The following ENOX2 variants were observed in gnomAD, a reference collection of about 807,000 sequenced individuals.
The protein encoded by ENOX2 is APK1 antigen.
Under a neutral mutation model 45.0 loss-of-function variants are expected in ENOX2, and 36 were observed. The ratio of observed to expected loss-of-function variants is 0.80; its 90% confidence interval spans 0.61 to 1.06. The LOEUF (loss-of-function observed/expected upper bound fraction) is 1.06, where lower values mean the gene tolerates loss of function less well. Ranked by LOEUF, ENOX2 falls within the 50% of genes least tolerant of loss-of-function variation. The pLI is 0.00. For missense variants in ENOX2, 423 were observed against 462.5 expected, an observed-to-expected ratio of 0.91 and a Z score of 0.78; for synonymous variants, 174 against 152.3, an observed-to-expected ratio of 1.14 and a Z score of -1.05.
At chrX:130,795,030 C>A (rs2148417663) in intron 2 of ENOX2, among the ~76,000 whole-genome samples, 1 of 112,109 alleles carries the variant, frequency 8.9e-6, no homozygotes, top group Admixed American at 9.5e-5. Flanking sequence ...TATACTGCGT[C>A]ACTAATGTTC....
intron 2 of ENOX2, among the ~76,000 whole-genome samples, chrX:130,821,742 T>TAAAAAAAAAAAA: frequency 4.3e-4 from 10 of 23,159 alleles, no homozygotes; most frequent in African/African-American, 9.2e-4. Flanking sequence ...ATAAATAAAT[T>TAAAAAAAAAAAA]AAAAAAAAAA....
At chrX:130,886,820 T>C (rs1340950319) in intron 2 of ENOX2, among the ~76,000 whole-genome samples, 1 of 112,180 alleles carries the variant, frequency 8.9e-6, no homozygotes. Context: ...AATTAACAAA[T>C]ACAGGAGTTA....
At chrX:130,795,945 A>T (rs1420977696) in intron 2 of ENOX2, among the ~76,000 whole-genome samples, 1 of 110,060 alleles carries the variant, frequency 9.1e-6, no homozygotes, top group Non-Finnish European at 1.9e-5. Context: ...TTATCAGACG[A>T]CTTATTGTAG....
At chrX:130,629,564 A>G (rs910520703) in intron 13 of ENOX2, among the ~76,000 whole-genome samples, 2 of 112,752 alleles carry the variant, frequency 1.8e-5, no homozygotes, top group Non-Finnish European at 3.8e-5. Context: ...TTGGAGTTGG[A>G]AGACGTTAAT....
chrX:130,677,372 G>C (rs780477994), intron 6 of ENOX2, among the ~76,000 whole-genome samples: 1 of 112,021 alleles, frequency 8.9e-6, no homozygotes, highest in African/African-American at 3.2e-5. Context: ...GGAAGAACTA[G>C]GTTTTACTCA....
At chrX:130,730,629 C>T (rs1292998313) in intron 3 of ENOX2, among the ~76,000 whole-genome samples, 1 of 111,512 alleles carries the variant, frequency 9.0e-6, no homozygotes, top group African/African-American at 3.3e-5. Flanking sequence ...ATGGCATGTG[C>T]TGAAGGTGGT....
intron 5 of ENOX2, 73 bp downstream of exon 5, chrX:130,688,789 CT>C (rs2037514021): frequency 1.2e-6 from 1 of 861,617 alleles, no homozygotes; most frequent in Non-Finnish European, 1.6e-6. Context: ...CTTGGGTATT[CT>C]TTTGAGAAAG....
intron 3 of ENOX2, among the ~76,000 whole-genome samples, chrX:130,707,650 C>T (rs912289699): frequency 8.9e-6 from 1 of 111,845 alleles, no homozygotes; most frequent in African/African-American, 3.3e-5. Context: ...ATGATTTACT[C>T]TCCTACAATT....
chrX:130,746,172 A>G (rs1412520900), intron 3 of ENOX2, among the ~76,000 whole-genome samples: 1 of 112,233 alleles, frequency 8.9e-6, no homozygotes, highest in Admixed American at 9.4e-5. Flanking sequence ...TGCATTTCCC[A>G]GCATACACAT....
At chrX:130,755,143 G>A (rs1401542540) in intron 3 of ENOX2, among the ~76,000 whole-genome samples, 2 of 109,339 alleles carry the variant, frequency 1.8e-5, no homozygotes, top group Non-Finnish European at 3.8e-5. Context: ...ATCTAGTTTG[G>A]TAATCCTATG....
intron 2 of ENOX2, among the ~76,000 whole-genome samples, chrX:130,806,594 CACTA>C (rs2077304871): frequency 2.7e-5 from 3 of 112,023 alleles, no homozygotes; most frequent in African/African-American, 6.5e-5. Flanking sequence ...ACCACTGACT[CACTA>C]AGGGCTTTGT....
At chrX:130,854,634 ATT>A (rs2078274268) in intron 2 of ENOX2, among the ~76,000 whole-genome samples, 1 of 111,584 alleles carries the variant, frequency 9.0e-6, no homozygotes, top group African/African-American at 3.3e-5. Flanking sequence ...GTGAAAAAAT[ATT>A]GAGAGCAGCA....
At chrX:130,753,786 T>A (rs1490140541) in intron 3 of ENOX2, among the ~76,000 whole-genome samples, 2 of 111,845 alleles carry the variant, frequency 1.8e-5, no homozygotes, top group African/African-American at 6.5e-5. Context: ...TGGTTCTATA[T>A]CTTAGCTATT....
Position 130,748,121 on chromosome X carries a change from T to C in ENOX2, c.-39+35426A>G, listed in dbSNP as rs1355389805. ...AGTACACTGCAACACATTCAGTACA[T>C]CCTGATTTTCAAAGAGAACTGAACC... On this transcript the variant is annotated intron_variant, in intron 3 of 14. Transcript: ENST00000394363. 2.7e-5 allele frequency among the ~76,000 whole-genome samples: 3 copies of C among 112,084 alleles called. No individual in the cohort carries two copies. The East Asian group carries it at 8.4e-4, about 31-fold the overall frequency.
intron 2 of ENOX2, among the ~76,000 whole-genome samples, chrX:130,877,754 T>C (rs760524423): frequency 4.5e-5 from 5 of 112,014 alleles, no homozygotes; most frequent in African/African-American, 1.6e-4. Flanking sequence ...AGAAAAGCTG[T>C]TTATCCATCA....
Position 130,703,069 on chromosome X carries a change from C to T in ENOX2, c.97+51G>A, listed in dbSNP as rs369659090. On this transcript the variant is annotated intron_variant, in intron 4 of 14. Transcript: ENST00000394363. ...TTGTGTCATACTGCTATATTTATAA[C>T]CACATGGTCAATAAAAATAAGCACT... 127 of 1,140,238 alleles carry T rather than the reference C, an allele frequency of 1.1e-4. 1 individual carries two copies. The highest frequency in any genetic ancestry group is 1.6e-4 in the African/African-American group (9 of 55,714). The allele number at this position is 1,140,238 out of a possible 1,213,427, so 94.0% of individuals were successfully genotyped here.
At chrX:130,888,335 A>C (rs1169702229) in intron 2 of ENOX2, among the ~76,000 whole-genome samples, 1 of 112,005 alleles carries the variant, frequency 8.9e-6, no homozygotes, top group African/African-American at 3.2e-5. Context: ...AGGAACAAAA[A>C]GGAGATAGTG....
Position 130,742,771 on chromosome X carries a change from G to C in ENOX2, c.-38-39517C>G, listed in dbSNP as rs781553267. 2.7e-5 allele frequency among the ~76,000 whole-genome samples: 3 copies of C among 111,021 alleles called. No individual in the cohort carries two copies. In the South Asian group the frequency reaches 1.2e-3, roughly 43 times the overall value. On this transcript the variant is annotated intron_variant, in intron 3 of 14. Coordinates refer to ENST00000394363, the MANE Select transcript of ENOX2 (RefSeq NM_006375.4). ...TAGCATTGCCAGGACTTAAACCCAA[G>C]TCTGTCTGTTGTCAAAGCCCACACT...
intron 2 of ENOX2, among the ~76,000 whole-genome samples, chrX:130,858,160 G>A (rs2078346067): frequency 9.6e-6 from 1 of 104,238 alleles, no homozygotes; most frequent in Non-Finnish European, 2.0e-5. Context: ...TGTCGCCCAG[G>A]CTGGAGTGCA....
Sources: allele counts gnomAD v4.1 joint callset (sites outside exome capture counted in the v4.1 genomes callset), GRCh38; gene constraint gnomAD v4.1.1; transcripts MANE v1.5; gene names NCBI Gene and HGNC (gene_info 2026-07-23, HGNC 2026-07-21).